Variants in C9 observed in about 807,000 individuals in gnomAD.
The protein encoded by C9 is complement component C9.
In C9, 63 loss-of-function variants were observed where a neutral mutation model predicts 65.4. The observed-to-expected ratio is 0.96, with a 90% CI of 0.79 to 1.19. C9 has a LOEUF of 1.19. C9 is among the 50% of genes most tolerant of loss of function. The pLI is 0.00. For missense variants in C9, 744 were observed against 670.1 expected, an observed-to-expected ratio of 1.11 and a Z score of -1.22; for synonymous variants, 229 against 227.9, an observed-to-expected ratio of 1.00 and a Z score of -0.04.
chr5:39,330,250 T>C (rs893277618), intron 5 of C9, among the ~76,000 whole-genome samples: 1 of 152,318 alleles, frequency 6.6e-6, no homozygotes, highest in South Asian at 2.1e-4. Context: ...CCAAACTCCA[T>C]TGTGATTTAT....
chr5:39,308,755 C>T (rs1473013232), intron 7 of C9, among the ~76,000 whole-genome samples: 1 of 152,134 alleles, frequency 6.6e-6, no homozygotes, highest in Non-Finnish European at 1.5e-5. Flanking sequence ...TCACACTGGC[C>T]TTATGAAGTA....
chr5:39,345,249 C>T (rs550918368), intron 1 of C9, among the ~76,000 whole-genome samples: 73 of 152,220 alleles, frequency 4.8e-4, no homozygotes, highest in African/African-American at 1.7e-3. Flanking sequence ...AGAGTAAAGA[C>T]CCATCAGTGT....
rs1013753985 is a variant in C9 at position 39,291,042 on chromosome 5, C to A, written c.1417-2091G>T. Among the ~76,000 whole-genome samples, 7 of 151,870 alleles carry A rather than the reference C, an allele frequency of 4.6e-5. No individual in the cohort carries two copies. In the East Asian group the frequency reaches 1.2e-3, roughly 25 times the overall value. On this transcript the variant is annotated intron_variant, in intron 9 of 10. Transcript: ENST00000263408. ...TAATAATTTTACGTACAGTATTTAGCCCACAGTAAAAATAACTAGGCACAC... is the reference window on the plus strand; with the variant it reads ...TAATAATTTTACGTACAGTATTTAGACCACAGTAAAAATAACTAGGCACAC...
chr5:39,299,728 T>C (rs1400847994), intron 9 of C9, among the ~76,000 whole-genome samples: 1 of 152,122 alleles, frequency 6.6e-6, no homozygotes, highest in Non-Finnish European at 1.5e-5. Flanking sequence ...GTTTTATGTA[T>C]TGGTTTTCAT....
intron 1 of C9, among the ~76,000 whole-genome samples, chr5:39,361,113 TAA>T (rs35967959): frequency 7.0e-5 from 9 of 128,906 alleles, no homozygotes; most frequent in African/African-American, 2.3e-4. Flanking sequence ...ATGAAGTAAA[TAA>T]AAAAAAAAAG....
chr5:39,336,640 C>A (rs1395815758), intron 4 of C9, among the ~76,000 whole-genome samples: 5 of 151,966 alleles, frequency 3.3e-5, no homozygotes, highest in African/African-American at 1.2e-4. Flanking sequence ...TTACTTCATT[C>A]ATTCATTCAT....
intron 5 of C9, among the ~76,000 whole-genome samples, chr5:39,331,199 T>C (rs569591814): frequency 4.6e-5 from 7 of 152,288 alleles, no homozygotes; most frequent in African/African-American, 1.4e-4. Context: ...AGAGTAAAAA[T>C]CATTTTTATA....
rs1038288706 is a variant in C9 at position 39,331,780 on chromosome 5, G to T, written c.511C>A (p.Pro171Thr). 1 of 1,613,068 alleles carries T rather than the reference G, an allele frequency of 6.2e-7. No individual in the cohort carries two copies. Among genetic ancestry groups the T allele is most frequent in the African/African-American group, 1.3e-5 (1 of 74,896 alleles). The change falls in exon 5 of 11, where the codon CCT becomes ACT. Residue 171 changes from proline to threonine, a missense_variant. Transcript: ENST00000263408. ...CCATTGTAGAACTCATTGTCAAAAG[G>T]TGTGCTTAGGGGATCCATCCCTAAA... is the stretch of plus-strand genomic sequence containing the variant. ...NILGMDPLST[P>T]FDNEFYNGLC...
chr5:39,304,268 A>G (rs1753336489), intron 9 of C9, among the ~76,000 whole-genome samples: 1 of 152,128 alleles, frequency 6.6e-6, no homozygotes, highest in Non-Finnish European at 1.5e-5. Context: ...ATAAATACCT[A>G]GATAATTGCT....
chr5:39,314,645 T>C (rs11953280), intron 6 of C9, among the ~76,000 whole-genome samples: 12,153 of 152,120 alleles, frequency 0.08, 671 homozygotes, highest in Middle Eastern at 0.16. Context: ...TTTCCTACAT[T>C]AGAGACTTCT....
intron 10 of C9, among the ~76,000 whole-genome samples, chr5:39,286,839 T>C (rs1318592459): frequency 6.6e-6 from 1 of 151,952 alleles, no homozygotes; most frequent in Non-Finnish European, 1.5e-5. Context: ...ACATATTTTG[T>C]CACCACATGA....
chr5:39,308,384 T>C (rs759237318), intron 7 of C9, 26 bp from the exon 8 acceptor site: 2 of 1,532,160 alleles, frequency 1.3e-6, no homozygotes, highest in Admixed American at 3.3e-5. Flanking sequence ...ATTTGAAAAT[T>C]ATTAGATAAT....
In C9 at chr5:39,295,465, C is replaced by T. The variant is rs974893631; in HGVS notation, c.1417-6514G>A. Among the ~76,000 whole-genome samples, 89 of 151,370 alleles carry T rather than the reference C, an allele frequency of 5.9e-4. 1 individual carries two copies. The highest frequency in any genetic ancestry group is 2.1e-4 in the Non-Finnish European group (14 of 67,640). Reference sequence around the variant, plus strand: ...AAGTCAATACCATTTACAATAGCTACAAAAGAAGATACTGAGGAATAAATT... The same window carrying T: ...AAGTCAATACCATTTACAATAGCTATAAAAGAAGATACTGAGGAATAAATT... On this transcript the variant is annotated intron_variant, in intron 9 of 10. Transcript: ENST00000263408.
intron 9 of C9, among the ~76,000 whole-genome samples, chr5:39,295,442 G>A (rs1753168842): frequency 6.6e-6 from 1 of 151,498 alleles, no homozygotes. Context: ...AATGCAAAAA[G>A]TCAATACCAT....
At chr5:39,298,006 A>C (rs185688570) in intron 9 of C9, among the ~76,000 whole-genome samples, 1 of 151,792 alleles carries the variant, frequency 6.6e-6, no homozygotes, top group African/African-American at 2.4e-5. Context: ...AGTTGAAATA[A>C]GTAACAGAAA....
chr5:39,326,314 C>T (rs1753747737), intron 5 of C9, among the ~76,000 whole-genome samples: 1 of 152,178 alleles, frequency 6.6e-6, no homozygotes, highest in Non-Finnish European at 1.5e-5. Flanking sequence ...TGATCATATG[C>T]TATACTGTCT....
chr5:39,325,271 CCAAG>C lies in C9; in HGVS notation c.615+6401_615+6404del, dbSNP rs540044461. Reference sequence around the variant, plus strand: ...GCACCCCTCTGCCAGAACCATCTAGCCAAGCTACTGTCACATTCTTAACCCTTTA... The same window carrying C: ...GCACCCCTCTGCCAGAACCATCTAGCCTACTGTCACATTCTTAACCCTTTA... On this transcript the variant is annotated intron_variant, in intron 5 of 10. Coordinates refer to ENST00000263408, the MANE Select transcript of C9 (RefSeq NM_001737.5). Among the ~76,000 whole-genome samples, 10 of 152,294 alleles carry C rather than the reference CCAAG, an allele frequency of 6.6e-5. No homozygotes were observed. In the South Asian group the frequency reaches 2.1e-3, roughly 32 times the overall value.
At chr5:39,331,935 G>A in intron 4 of C9, 121 bp from the exon 5 acceptor site, 2 of 856,732 alleles carry the variant, frequency 2.3e-6, no homozygotes, top group Non-Finnish European at 4.0e-6. Flanking sequence ...ATATGTGTGT[G>A]CTATAATCAG....
At chr5:39,310,895 A>G (rs1369447767) in intron 7 of C9, among the ~76,000 whole-genome samples, 2 of 152,168 alleles carry the variant, frequency 1.3e-5, no homozygotes, top group African/African-American at 4.8e-5. Flanking sequence ...GCTGCAATAC[A>G]ATGGATCCAT....
Sources: gnomAD v4.1 joint callset for allele counts (sites outside exome capture counted in the v4.1 genomes callset) on GRCh38, gnomAD v4.1.1 for gene constraint, MANE v1.5 for transcripts, NCBI Gene and HGNC (gene_info 2026-07-23, HGNC 2026-07-21) for gene names.